OLFM3: variants seen among roughly 807,000 people sequenced by gnomAD.
The protein encoded by OLFM3 is olfactomedin 3.
OLFM3 carries 20 observed loss-of-function variants against 48.6 expected under a neutral mutation model. The ratio of observed to expected loss-of-function variants is 0.41; its 90% CI spans 0.29 to 0.60. The LOEUF (loss-of-function observed/expected upper bound fraction) is 0.60, where lower values mean the gene tolerates loss of function less well. OLFM3 is among the 20% of genes least tolerant of loss of function. OLFM3 has a pLI of 0.28. For missense variants in OLFM3, 437 were observed against 544.3 expected (o/e 0.80, Z 1.96); for synonymous variants, 222 against 198.1 (o/e 1.12, Z -1.01).
intron 1 of OLFM3, among the ~76,000 whole-genome samples, chr1:101,853,286 C>T (rs1439077532): frequency 1.3e-5 from 2 of 151,978 alleles, no homozygotes; most frequent in East Asian, 3.9e-4. Flanking sequence ...ACTTGCCCTT[C>T]TCTTGTGGAA....
intron 1 of OLFM3, among the ~76,000 whole-genome samples, chr1:101,994,594 T>C (rs1661506449): frequency 6.7e-6 from 1 of 148,368 alleles, no homozygotes; most frequent in East Asian, 1.9e-4. Flanking sequence ...AATATAAATA[T>C]ATATTATATA....
intron 3 of OLFM3, 41 bp downstream of exon 3, chr1:101,830,631 T>C (rs1655099039): frequency 6.2e-7 from 1 of 1,609,530 alleles, no homozygotes; most frequent in Non-Finnish European, 8.5e-7. Flanking sequence ...TCCCACTCCA[T>C]GTCTGATTTG....
At chr1:101,899,454 C>T (rs911022843) in intron 1 of OLFM3, among the ~76,000 whole-genome samples, 26 of 152,276 alleles carry the variant, frequency 1.7e-4, no homozygotes, top group Admixed American at 1.5e-3. Context: ...AATTTTATCA[C>T]TTTTGCATAT....
intron 4 of OLFM3, among the ~76,000 whole-genome samples, chr1:101,821,296 A>G (rs1302270804): frequency 6.6e-6 from 1 of 152,052 alleles, no homozygotes. Context: ...AAAGTTATAT[A>G]TTTGATTTCT....
chr1:101,876,401 C>A (rs900693645), intron 1 of OLFM3, among the ~76,000 whole-genome samples: 1 of 151,924 alleles, frequency 6.6e-6, no homozygotes, highest in Non-Finnish European at 1.5e-5. Flanking sequence ...GGCTATTGGG[C>A]CACTACATAC....
intron 1 of OLFM3, among the ~76,000 whole-genome samples, chr1:101,983,509 A>G (rs1661155654): frequency 6.6e-6 from 1 of 152,218 alleles, no homozygotes; most frequent in African/African-American, 2.4e-5. Context: ...AGAAGGGTAG[A>G]AACTGTATCT....
intron 1 of OLFM3, among the ~76,000 whole-genome samples, chr1:101,920,246 T>C (rs904392312): frequency 1.3e-5 from 2 of 152,188 alleles, no homozygotes; most frequent in Admixed American, 6.5e-5. Flanking sequence ...CTTATACAAT[T>C]TTCCTGACTC....
At chr1:101,977,356 T>C (rs1262252815) in intron 1 of OLFM3, among the ~76,000 whole-genome samples, 1 of 152,164 alleles carries the variant, frequency 6.6e-6, no homozygotes, top group Non-Finnish European at 1.5e-5. Flanking sequence ...GATCTGTTTG[T>C]ATTTCTCTTT....
At chr1:101,898,243 G>A (rs1658270667) in intron 1 of OLFM3, among the ~76,000 whole-genome samples, 2 of 152,088 alleles carry the variant, frequency 1.3e-5, no homozygotes, top group African/African-American at 4.8e-5. Context: ...ATATTGAGTG[G>A]AATATCTGAG....
At chr1:101,982,051 G>T (rs1661119429) in intron 1 of OLFM3, among the ~76,000 whole-genome samples, 1 of 152,152 alleles carries the variant, frequency 6.6e-6, no homozygotes, top group South Asian at 2.1e-4. Flanking sequence ...AATGTTTTAG[G>T]TTATGCTAAA....
chr1:101,890,055 T>G (rs929572281), intron 1 of OLFM3, among the ~76,000 whole-genome samples: 1 of 152,072 alleles, frequency 6.6e-6, no homozygotes, highest in Admixed American at 6.6e-5. Context: ...AATATGACAC[T>G]TGTTCACATC....
At chr1:101,844,144 G>A (rs905267680) in intron 1 of OLFM3, among the ~76,000 whole-genome samples, 1 of 152,198 alleles carries the variant, frequency 6.6e-6, no homozygotes, top group African/African-American at 2.4e-5. Flanking sequence ...GCAGCAGGAA[G>A]AATCCCCTAA....
Position 101,965,345 on chromosome 1 carries a change from G to A in OLFM3, c.69+31403C>T, listed in dbSNP as rs527877577. Among the ~76,000 whole-genome samples, 60 of 152,212 alleles carry A rather than the reference G, an allele frequency of 3.9e-4. No homozygotes were observed. The South Asian group carries it at 0.012, about 31-fold the overall frequency. On this transcript the variant is annotated intron_variant, in intron 1 of 5. Coordinates refer to ENST00000370103, the MANE Select transcript of OLFM3 (RefSeq NM_058170.4). ...GGCTGCAGAATAGGACAAAGATTTC[G>A]AAGGAAGGAAAAAAATGTGATATTT...
At chr1:101,869,315 C>A (rs1275085107) in intron 1 of OLFM3, among the ~76,000 whole-genome samples, 1 of 152,174 alleles carries the variant, frequency 6.6e-6, no homozygotes, top group Non-Finnish European at 1.5e-5. Context: ...ATTAGTGTCC[C>A]CTGGATGTGA....
chr1:101,848,601 T>A (rs1271894478), intron 1 of OLFM3, among the ~76,000 whole-genome samples: 1 of 152,150 alleles, frequency 6.6e-6, no homozygotes, highest in African/African-American at 2.4e-5. Flanking sequence ...ACTTTTCTAT[T>A]CTTTCAAAAA....
chr1:101,830,922 G>T (rs1655118649), intron 2 of OLFM3, 95 bp from the exon 3 acceptor site: 2 of 1,079,266 alleles, frequency 1.9e-6, no homozygotes, highest in East Asian at 4.9e-5. Context: ...ATAAAAACTA[G>T]AAGTGCCAAA....
chr1:101,819,879 A>T (rs373847838), intron 4 of OLFM3, among the ~76,000 whole-genome samples: 2 of 152,106 alleles, frequency 1.3e-5, no homozygotes, highest in East Asian at 3.8e-4. Flanking sequence ...ACTAATGCCT[A>T]ACCCAGAGTT....
At chr1:101,869,233 G>C (rs1591591) in intron 1 of OLFM3, among the ~76,000 whole-genome samples, 72,323 of 151,958 alleles carry the variant, frequency 0.48, 17,596 homozygotes, top group Non-Finnish European at 0.51. Context: ...ATGAAAACAG[G>C]CTGAAGTGGG....
At chr1:101,926,608 T>C (rs1659277041) in intron 1 of OLFM3, among the ~76,000 whole-genome samples, 1 of 152,216 alleles carries the variant, frequency 6.6e-6, no homozygotes, top group Non-Finnish European at 1.5e-5. Context: ...AAGTAAAGTA[T>C]ACAAAGTCTC....
Sources: allele counts gnomAD v4.1 joint callset (sites outside exome capture counted in the v4.1 genomes callset), GRCh38; gene constraint gnomAD v4.1.1; transcripts MANE v1.5; gene names NCBI Gene and HGNC (gene_info 2026-07-23, HGNC 2026-07-21).